Variants in PRKCH observed in about 807,000 individuals in gnomAD.
PRKCH encodes the protein protein kinase C eta.
PRKCH carries 28 observed loss-of-function variants against 82.5 expected under a neutral mutation model. The observed-to-expected ratio is 0.34, with a 90% confidence interval of 0.25 to 0.47. The LOEUF (loss-of-function observed/expected upper bound fraction) is 0.47. PRKCH is among the 20% of genes least tolerant of loss of function. The pLI, the probability that PRKCH is intolerant of heterozygous loss-of-function variation, is 1.00. For missense variants in PRKCH, 705 were observed against 881.8 expected (o/e 0.80, Z 2.54); for synonymous variants, 322 against 327.4 (o/e 0.98, Z 0.18).
intron 1 of PRKCH, among the ~76,000 whole-genome samples, chr14:61,329,044 C>A (rs1021261099): frequency 2.2e-4 from 33 of 151,056 alleles, no homozygotes; most frequent in African/African-American, 7.0e-4. Context: ...TTTGTGTTGA[C>A]TTCTTAGCTC....
intron 4 of PRKCH, among the ~76,000 whole-genome samples, chr14:61,447,323 GA>G (rs1192308707): frequency 6.6e-6 from 1 of 152,132 alleles, no homozygotes. Context: ...GAATCACAAG[GA>G]AAAATGAACA....
At chr14:61,438,252 T>C (rs1594706233) in intron 2 of PRKCH, among the ~76,000 whole-genome samples, 1 of 152,208 alleles carries the variant, frequency 6.6e-6, no homozygotes, top group Admixed American at 6.5e-5. Context: ...AAGGCTGTTC[T>C]GTTTTCTCAG....
chr14:61,414,771 G>A (rs970555720), intron 2 of PRKCH, among the ~76,000 whole-genome samples: 27 of 152,082 alleles, frequency 1.8e-4, no homozygotes, highest in African/African-American at 6.3e-4. Context: ...GAGCCACTGT[G>A]CCTGGCCCAT....
chr14:61,286,123 C>G (rs2045311757), intron 1 of PRKCH, among the ~76,000 whole-genome samples: 1 of 152,200 alleles, frequency 6.6e-6, no homozygotes, highest in Non-Finnish European at 1.5e-5. Flanking sequence ...CTTACTGTAA[C>G]AGAACCTGGG....
At chr14:61,361,699 A>C (rs1286285949) in intron 1 of PRKCH, among the ~76,000 whole-genome samples, 1 of 152,210 alleles carries the variant, frequency 6.6e-6, no homozygotes, top group Non-Finnish European at 1.5e-5. Context: ...TAATTTCTTA[A>C]CCAGTAAAAT....
intron 2 of PRKCH, among the ~76,000 whole-genome samples, chr14:61,399,522 T>C (rs1260182930): frequency 6.6e-6 from 1 of 152,164 alleles, no homozygotes; most frequent in Non-Finnish European, 1.5e-5. Context: ...AAATAAATAA[T>C]AAGCTGTGAG....
chr14:61,329,001 C>G (rs938707743), intron 1 of PRKCH, among the ~76,000 whole-genome samples: 2 of 150,484 alleles, frequency 1.3e-5, no homozygotes, highest in Admixed American at 6.6e-5. Flanking sequence ...AAAAAAAAAG[C>G]TGAAAAAACA....
At chr14:61,518,219 T>A (rs2042853968) in intron 10 of PRKCH, among the ~76,000 whole-genome samples, 1 of 152,182 alleles carries the variant, frequency 6.6e-6, no homozygotes. Flanking sequence ...GCCTGAAGAC[T>A]TCTGGCCTTC....
intron 1 of PRKCH, among the ~76,000 whole-genome samples, chr14:61,235,033 C>A (rs1400626689): frequency 3.3e-5 from 5 of 152,204 alleles, no homozygotes; most frequent in South Asian, 2.1e-4. Flanking sequence ...GTTATGGACC[C>A]AAATGGCCCC....
intron 10 of PRKCH, among the ~76,000 whole-genome samples, chr14:61,524,389 G>T (rs2042941588): frequency 6.6e-6 from 1 of 152,234 alleles, no homozygotes; most frequent in Non-Finnish European, 1.5e-5. Context: ...GACAAAAGCT[G>T]TAGCTATTAA....
At chr14:61,203,694 G>A (rs1447759086) in intron 1 of PRKCH, among the ~76,000 whole-genome samples, 1 of 152,006 alleles carries the variant, frequency 6.6e-6, no homozygotes, top group Non-Finnish European at 1.5e-5. Flanking sequence ...ACATATTTCA[G>A]GTTGAGCACG....
intron 2 of PRKCH, among the ~76,000 whole-genome samples, chr14:61,410,772 A>G (rs1156550079): frequency 6.6e-6 from 1 of 152,208 alleles, no homozygotes; most frequent in Middle Eastern, 3.2e-3. Flanking sequence ...GTAGCTACAC[A>G]TAAACATAGC....
chr14:61,515,256 A>T (rs2042806396), intron 10 of PRKCH, among the ~76,000 whole-genome samples: 2 of 152,120 alleles, frequency 1.3e-5, no homozygotes, highest in South Asian at 4.1e-4. Flanking sequence ...CTTCCTGGGA[A>T]TTTTGTGTTT....
chr14:61,520,187 C>A (rs2139991676), intron 10 of PRKCH, among the ~76,000 whole-genome samples: 1 of 152,008 alleles, frequency 6.6e-6, no homozygotes, highest in Non-Finnish European at 1.5e-5. Context: ...TTTAGAAAAT[C>A]CAAAACAGAA....
At chr14:61,357,651 G>C (rs562256359) in intron 1 of PRKCH, among the ~76,000 whole-genome samples, 2 of 152,264 alleles carry the variant, frequency 1.3e-5, no homozygotes, top group Admixed American at 1.3e-4. Flanking sequence ...ACACGCTATA[G>C]TCCTTATCTT....
At chr14:61,328,689 T>C (rs1209570734) in intron 1 of PRKCH, among the ~76,000 whole-genome samples, 2 of 152,074 alleles carry the variant, frequency 1.3e-5, no homozygotes, top group African/African-American at 4.8e-5. Flanking sequence ...TCCTTTTTTA[T>C]TTAATAAAGC....
At position 61,547,829 on chromosome 14, in the gene PRKCH, A is replaced by G; in HGVS notation, c.1848A>G (p.Glu616=). The G allele has an allele frequency of 6.2e-7, 1 of 1,614,184 alleles. No individual in the cohort carries two copies. The highest frequency in any genetic ancestry group is 1.1e-5 in the South Asian group (1 of 91,080). The change falls in exon 13 of 14, where the codon GAA becomes GAG. Residue 616 remains glutamate, a synonymous_variant. Transcript: ENST00000332981. The part of the protein sequence containing the change: ...HAILRHPFFK[E]IDWAQLNHRQ... ...TCTTGAGACATCCTTTTTTTAAGGA[A>G]ATCGACTGGGCCCAGCTGAACCATC...
intron 10 of PRKCH, among the ~76,000 whole-genome samples, chr14:61,513,090 G>T (rs1396005987): frequency 3.3e-5 from 5 of 152,126 alleles, no homozygotes; most frequent in Non-Finnish European, 7.3e-5. Flanking sequence ...AGCGCAATGG[G>T]ATTGGTAGCA....
chr14:61,549,808 G>C lies in PRKCH; in HGVS notation c.2029G>C (p.Val677Leu). 2 of 1,614,030 alleles carry C rather than the reference G, an allele frequency of 1.2e-6. No individual in the cohort carries two copies. Among genetic ancestry groups the C allele is most frequent in the Non-Finnish European group, 1.7e-6 (2 of 1,180,018 alleles). Reference sequence around the variant, plus strand: ...GGATGAGTTTAGAAACTTTTCCTATGTGTCTCCAGAATTGCAACCATAGCC... The same window carrying C: ...GGATGAGTTTAGAAACTTTTCCTATCTGTCTCCAGAATTGCAACCATAGCC... ...NQDEFRNFSY[V>L]SPELQP The change falls in exon 14 of 14, where the codon GTG becomes CTG. Residue 677 changes from valine (V) to leucine (L), a missense_variant. Coordinates refer to ENST00000332981, the MANE Select transcript of PRKCH (RefSeq NM_006255.5).
Sources: allele counts gnomAD v4.1 joint callset (sites outside exome capture counted in the v4.1 genomes callset), GRCh38; gene constraint gnomAD v4.1.1; transcripts MANE v1.5; gene names NCBI Gene and HGNC (gene_info 2026-07-23, HGNC 2026-07-21).